The following ADK variants were observed in gnomAD, a reference collection of about 807,000 sequenced individuals.
The protein encoded by ADK is N6,N6-dimethyladenosine kinase.
ADK carries 24 observed loss-of-function variants against 44.7 expected under a neutral mutation model. That is an observed-to-expected ratio of 0.54 (90% CI 0.39 to 0.76). The LOEUF is 0.76. Ranked by LOEUF, ADK falls within the 30% of genes least tolerant of loss-of-function variation. The pLI is 0.00. For synonymous variants in ADK, 128 were observed against 142.6 expected (o/e 0.90, Z 0.73); for missense variants, 321 against 425.1 (o/e 0.76, Z 2.15).
At chr10:74,567,699 G>GTTTTTTTTTTTTTTTT (rs56042541) in intron 7 of ADK, among the ~76,000 whole-genome samples, 4 of 112,362 alleles carry the variant, frequency 3.6e-5, no homozygotes, top group African/African-American at 1.2e-4. Context: ...TGTTTTTTTT[G>GTTTTTTTTTTTTTTTT]TTTTTTTTTT....
intron 9 of ADK, among the ~76,000 whole-genome samples, chr10:74,620,897 TTTTA>T (rs1284551740): frequency 6.6e-6 from 1 of 152,104 alleles, no homozygotes; most frequent in East Asian, 1.9e-4. Flanking sequence ...AGTTTTTTGT[TTTTA>T]TTTGTTTGTT....
chr10:74,302,134 T>G (rs1219428681), intron 3 of ADK, among the ~76,000 whole-genome samples: 11 of 81,624 alleles, frequency 1.3e-4, no homozygotes, highest in Non-Finnish European at 2.6e-4. Flanking sequence ...TTTTTTTTTT[T>G]TTTTTTTTTT....
At chr10:74,470,267 C>T (rs1007822811) in intron 6 of ADK, among the ~76,000 whole-genome samples, 3 of 151,992 alleles carry the variant, frequency 2.0e-5, no homozygotes, top group Non-Finnish European at 4.4e-5. Flanking sequence ...TCAGGTGATC[C>T]GCCTTCCTTG....
chr10:74,266,402 C>G (rs1285228642), intron 3 of ADK, among the ~76,000 whole-genome samples: 1 of 151,976 alleles, frequency 6.6e-6, no homozygotes, highest in Non-Finnish European at 1.5e-5. Flanking sequence ...ACTAAAAATA[C>G]AAAAATTAGC....
intron 7 of ADK, among the ~76,000 whole-genome samples, chr10:74,554,044 C>A (rs572255624): frequency 3.3e-5 from 5 of 152,096 alleles, no homozygotes; most frequent in African/African-American, 4.8e-5. Flanking sequence ...GAAGGTGAAT[C>A]TTTTGCCTTA....
chr10:74,699,880 AGT>A lies in ADK; in HGVS notation c.965-8438_965-8437del, dbSNP rs1300491430. On this transcript the variant is annotated intron_variant, in intron 10 of 10. Transcript: ENST00000539909. ...ACTGGCAAAAATTCAAAAGCTGGAC[AGT>A]GTACTATATTGGTGAAGTTGTGGGG... is the stretch of plus-strand genomic sequence containing the variant. Among the ~76,000 whole-genome samples, 6 of 152,342 alleles carry A rather than the reference AGT, an allele frequency of 3.9e-5. No homozygotes were observed. In the South Asian group the frequency reaches 1.2e-3, roughly 32 times the overall value.
rs1278324147 is a variant in ADK, at chr10:74,343,766, G to A, written c.273+29021G>A. On this transcript the variant is annotated intron_variant, in intron 4 of 10. Coordinates refer to ENST00000539909, the MANE Select transcript of ADK (RefSeq NM_006721.4). The stretch of plus-strand genomic sequence containing the variant: ...TGGGATTTCAGGTGCCCAGCACCAC[G>A]CCTAACTTATTTTTGTATTTTTAGT... Among the ~76,000 whole-genome samples the A allele has an allele frequency of 3.3e-5, 5 of 152,010 alleles. 1 individual carries two copies. Among genetic ancestry groups the A allele is most frequent in the East Asian group, 1.9e-4 (1 of 5,190 alleles).
chr10:74,374,709 A>G (rs1386443316), intron 4 of ADK, among the ~76,000 whole-genome samples: 1 of 152,062 alleles, frequency 6.6e-6, no homozygotes, highest in African/African-American at 2.4e-5. Context: ...CCCATCTTTT[A>G]CTAAATTCAG....
chr10:74,455,835 C>T (rs903273484), intron 6 of ADK, among the ~76,000 whole-genome samples: 2 of 152,162 alleles, frequency 1.3e-5, no homozygotes, highest in Non-Finnish European at 1.5e-5. Flanking sequence ...CTCCCACTCT[C>T]TTCTGGCTTA....
intron 9 of ADK, among the ~76,000 whole-genome samples, chr10:74,616,995 T>C (rs1474443204): frequency 8.5e-5 from 13 of 152,194 alleles, no homozygotes. Context: ...TAGGTTTCTG[T>C]TTCTATTTGT....
intron 3 of ADK, among the ~76,000 whole-genome samples, chr10:74,254,049 G>C (rs561455274): frequency 6.6e-6 from 1 of 152,232 alleles, no homozygotes; most frequent in Middle Eastern, 3.4e-3. Flanking sequence ...TTACAGGTGT[G>C]AGACACCGTG....
intron 6 of ADK, among the ~76,000 whole-genome samples, chr10:74,437,845 C>T (rs1424059092): frequency 1.3e-5 from 2 of 152,156 alleles, no homozygotes; most frequent in African/African-American, 2.4e-5. Flanking sequence ...CATGGCTTTC[C>T]TCCTACCTGT....
chr10:74,482,097 A>G (rs1453694870), intron 6 of ADK, among the ~76,000 whole-genome samples: 2 of 152,220 alleles, frequency 1.3e-5, no homozygotes, highest in Non-Finnish European at 2.9e-5. Context: ...CTGTGTTTGT[A>G]TTAGTCCTTT....
chr10:74,460,481 AG>A (rs1458525126), intron 6 of ADK, among the ~76,000 whole-genome samples: 1 of 152,226 alleles, frequency 6.6e-6, no homozygotes, highest in Admixed American at 6.5e-5. Context: ...GAATATAAAA[AG>A]ATTGTCATTT....
intron 3 of ADK, among the ~76,000 whole-genome samples, chr10:74,236,342 C>T (rs1260073671): frequency 6.6e-6 from 1 of 152,174 alleles, no homozygotes; most frequent in Non-Finnish European, 1.5e-5. Flanking sequence ...GTATTTTCTT[C>T]TAAGTAGATT....
intron 3 of ADK, among the ~76,000 whole-genome samples, chr10:74,268,650 A>G (rs1366460529): frequency 6.6e-6 from 1 of 152,174 alleles, no homozygotes; most frequent in African/African-American, 2.4e-5. Context: ...AGTCTTTGCT[A>G]TATGTTTTAA....
intron 1 of ADK, among the ~76,000 whole-genome samples, chr10:74,157,619 C>T (rs565858043): frequency 1.5e-4 from 22 of 151,706 alleles, no homozygotes; most frequent in African/African-American, 4.8e-4. Flanking sequence ...TGGCTCATGC[C>T]GGTAATTCCA....
chr10:74,296,865 C>T (rs907313605), intron 3 of ADK, among the ~76,000 whole-genome samples: 3 of 152,076 alleles, frequency 2.0e-5, no homozygotes, highest in Non-Finnish European at 2.9e-5. Flanking sequence ...CCGCCCCTCT[C>T]GGCCTCCCAA....
intron 7 of ADK, among the ~76,000 whole-genome samples, chr10:74,585,199 A>C (rs1851491200): frequency 6.6e-6 from 1 of 152,162 alleles, no homozygotes; most frequent in African/African-American, 2.4e-5. Flanking sequence ...TTGTTGTTTT[A>C]CCCTGGTTGC....
Sources: allele counts gnomAD v4.1 joint callset (sites outside exome capture counted in the v4.1 genomes callset), GRCh38; gene constraint gnomAD v4.1.1; transcripts MANE v1.5; gene names NCBI Gene and HGNC (gene_info 2026-07-23, HGNC 2026-07-21).